FANCC: variants seen among roughly 807,000 people sequenced by gnomAD.
FANCC encodes the protein Fanconi anemia group C protein.
A neutral mutation model predicts 71.3 loss-of-function variants in FANCC; 55 were observed. That is an observed-to-expected ratio of 0.77 (90% CI 0.62 to 0.97). The LOEUF is 0.97. Ranked by LOEUF, FANCC falls within the 50% of genes least tolerant of loss-of-function variation. The pLI, the probability that FANCC is intolerant of heterozygous loss-of-function variation, is 0.00. For synonymous variants in FANCC, 275 were observed against 244.9 expected, an observed-to-expected ratio of 1.12 and a Z score of -1.15; for missense variants, 678 against 670.9, an observed-to-expected ratio of 1.01 and a Z score of -0.12.
intron 7 of FANCC, 31 bp downstream of exon 7, chr9:95,149,892 C>A (rs372708484): frequency 1.4e-5 from 22 of 1,571,138 alleles, no homozygotes; most frequent in Non-Finnish European, 1.8e-5. Flanking sequence ...GGAAAAACGA[C>A]GCAGGATGAC....
At chr9:95,173,467 T>C (rs1295499271) in intron 4 of FANCC, among the ~76,000 whole-genome samples, 1 of 152,210 alleles carries the variant, frequency 6.6e-6, no homozygotes, top group East Asian at 1.9e-4. Context: ...CTTTGATATA[T>C]GTGGCATACA....
intron 1 of FANCC, among the ~76,000 whole-genome samples, chr9:95,284,015 A>G (rs933660107): frequency 2.0e-5 from 3 of 152,242 alleles, no homozygotes; most frequent in African/African-American, 7.2e-5. Flanking sequence ...TTACACAGAA[A>G]GCACTTAGAA....
At chr9:95,241,997 A>G (rs1830661240) in intron 3 of FANCC, among the ~76,000 whole-genome samples, 1 of 152,212 alleles carries the variant, frequency 6.6e-6, no homozygotes, top group Non-Finnish European at 1.5e-5. Context: ...TAACAAAGAA[A>G]TAAGAACAAT....
chr9:95,258,549 A>G (rs1276976921), intron 1 of FANCC, among the ~76,000 whole-genome samples: 3 of 152,234 alleles, frequency 2.0e-5, no homozygotes, highest in African/African-American at 7.2e-5. Flanking sequence ...TCAAAATAAT[A>G]AGAGCTATTT....
At chr9:95,230,903 G>A (rs546640650) in intron 4 of FANCC, among the ~76,000 whole-genome samples, 1 of 151,864 alleles carries the variant, frequency 6.6e-6, no homozygotes, top group East Asian at 1.9e-4. Flanking sequence ...CCTTTAGCTA[G>A]ACATAGAGTG....
intron 1 of FANCC, among the ~76,000 whole-genome samples, chr9:95,276,182 C>G (rs552285573): frequency 1.4e-4 from 22 of 152,262 alleles, no homozygotes; most frequent in African/African-American, 4.8e-4. Context: ...TCCTCCTAAC[C>G]CAACCACCAG....
chr9:95,272,545 A>C (rs1370574282), intron 1 of FANCC, among the ~76,000 whole-genome samples: 3 of 152,060 alleles, frequency 2.0e-5, no homozygotes, highest in Non-Finnish European at 4.4e-5. Flanking sequence ...AAAATAGAAA[A>C]AATTAGTTGG....
chr9:95,213,922 G>A (rs558915109), intron 4 of FANCC, among the ~76,000 whole-genome samples: 1 of 152,220 alleles, frequency 6.6e-6, no homozygotes, highest in Admixed American at 6.5e-5. Flanking sequence ...ATTAATACCT[G>A]GAATGTATAA....
chr9:95,306,721 T>G (rs1835088741), intron 1 of FANCC, among the ~76,000 whole-genome samples: 1 of 152,190 alleles, frequency 6.6e-6, no homozygotes, highest in South Asian at 2.1e-4. Context: ...TCATAACAAT[T>G]AAGACACATT....
At chr9:95,238,707 A>G (rs550855396) in intron 4 of FANCC, among the ~76,000 whole-genome samples, 6 of 152,212 alleles carry the variant, frequency 3.9e-5, no homozygotes, top group Admixed American at 2.6e-4. Flanking sequence ...CTGAGAGTAC[A>G]GGCACGTGCC....
chr9:95,277,784 G>A (rs753851942), intron 1 of FANCC, among the ~76,000 whole-genome samples: 2 of 152,114 alleles, frequency 1.3e-5, no homozygotes, highest in Non-Finnish European at 2.9e-5. Flanking sequence ...GTGCTCAAAA[G>A]TTGTCAACCA....
chr9:95,220,489 C>A (rs1829170524), intron 4 of FANCC, among the ~76,000 whole-genome samples: 1 of 152,148 alleles, frequency 6.6e-6, no homozygotes, highest in Non-Finnish European at 1.5e-5. Context: ...CAATGATAGA[C>A]TGGATTAAGA....
At position 95,106,646 on chromosome 9, in the gene FANCC, A is replaced by G. The variant is rs4647546; in HGVS notation, c.1533+420T>C. On this transcript the variant is annotated intron_variant, in intron 14 of 14. Coordinates refer to ENST00000289081, the MANE Select transcript of FANCC (RefSeq NM_000136.3). ...CTTTGTAATAAACCAATTTTTTTAA[A>G]GATTAACAGAATTCTTTGCACTGTT... Among the ~76,000 whole-genome samples the G allele has an allele frequency of 6.9e-3, 1,054 of 152,314 alleles. 13 individuals carry two copies. The highest frequency in any genetic ancestry group is 0.023 in the African/African-American group (967 of 41,572).
At chr9:95,311,279 T>C (rs987827094) in intron 1 of FANCC, among the ~76,000 whole-genome samples, 1 of 150,340 alleles carries the variant, frequency 6.7e-6, no homozygotes, top group Middle Eastern at 3.2e-3. Flanking sequence ...AGGAAATCTA[T>C]TGAGTACAGC....
At chr9:95,300,172 C>A (rs1335958217) in intron 1 of FANCC, among the ~76,000 whole-genome samples, 1 of 152,116 alleles carries the variant, frequency 6.6e-6, no homozygotes, top group Admixed American at 6.5e-5. Context: ...CGTATTTACC[C>A]CCACCTTCCT....
At chr9:95,185,494 C>A (rs1826656615) in intron 4 of FANCC, among the ~76,000 whole-genome samples, 1 of 152,148 alleles carries the variant, frequency 6.6e-6, no homozygotes, top group Non-Finnish European at 1.5e-5. Context: ...TTCCTTCCAA[C>A]ACAAAAATGG....
chr9:95,240,505 T>A (rs1830572748), intron 4 of FANCC, 144 bp downstream of exon 4: 1 of 637,004 alleles, frequency 1.6e-6, no homozygotes, highest in African/African-American at 1.8e-5. Flanking sequence ...CTCAGCAAGA[T>A]AATGTAACAG....
intron 4 of FANCC, among the ~76,000 whole-genome samples, chr9:95,239,492 C>T (rs1273006996): frequency 6.6e-6 from 1 of 152,098 alleles, no homozygotes; most frequent in Non-Finnish European, 1.5e-5. Flanking sequence ...ACTCAATGAG[C>T]TATCTAATAC....
rs192876620 is a variant in FANCC, at chr9:95,237,320, A to G, written c.345+3329T>C. On this transcript the variant is annotated intron_variant, in intron 4 of 14. Coordinates refer to ENST00000289081, the MANE Select transcript of FANCC (RefSeq NM_000136.3). ...TCTGGCTATCACCCCCTTCATTGCC[A>G]AAGTTCTCCCTCCTTTACTGCCAAG... 1.4e-4 allele frequency among the ~76,000 whole-genome samples: 22 copies of G among 152,304 alleles called. 1 individual carries two copies. In the East Asian group the frequency reaches 2.3e-3, roughly 16 times the overall value.
Sources: gnomAD v4.1 joint callset for allele counts (sites outside exome capture counted in the v4.1 genomes callset) on GRCh38, gnomAD v4.1.1 for gene constraint, MANE v1.5 for transcripts, NCBI Gene and HGNC (gene_info 2026-07-23, HGNC 2026-07-21) for gene names.